The following PALS1 variants were observed in gnomAD, a reference collection of about 807,000 sequenced individuals.
The protein encoded by PALS1 is protein PALS1.
In PALS1, 31 loss-of-function variants were observed where a neutral mutation model predicts 78.9. The observed-to-expected ratio is 0.39, with a 90% confidence interval of 0.30 to 0.53. PALS1 has a LOEUF of 0.53. PALS1 is among the 20% of genes least tolerant of loss of function. The pLI, the probability that PALS1 is intolerant of heterozygous loss-of-function variation, is 0.67. For synonymous variants in PALS1, 276 were observed against 270.9 expected, an observed-to-expected ratio of 1.02 and a Z score of -0.18; for missense variants, 704 against 826.5, an observed-to-expected ratio of 0.85 and a Z score of 1.82.
chr14:67,295,517 T>A, intron 4 of PALS1, among the ~76,000 whole-genome samples: 1 of 147,874 alleles, frequency 6.8e-6, no homozygotes, highest in South Asian at 2.1e-4. Context: ...TGGAAATTAA[T>A]AAGAAAAAAA....
intron 8 of PALS1, among the ~76,000 whole-genome samples, chr14:67,308,234 TAA>T (rs11442716): frequency 2.9e-5 from 4 of 138,874 alleles, no homozygotes; most frequent in Non-Finnish European, 3.2e-5. Flanking sequence ...CTTAACAGTT[TAA>T]AAAAAAAAAA....
At chr14:67,277,907 G>A (rs573784173) in intron 2 of PALS1, among the ~76,000 whole-genome samples, 1 of 152,172 alleles carries the variant, frequency 6.6e-6, no homozygotes, top group African/African-American at 2.4e-5. Context: ...TAAAAGTTCA[G>A]TTTTCTTATC....
intron 14 of PALS1, among the ~76,000 whole-genome samples, chr14:67,324,635 A>G (rs996177529): frequency 2.6e-5 from 4 of 151,818 alleles, no homozygotes; most frequent in African/African-American, 9.7e-5. Flanking sequence ...CCCAGGCTGG[A>G]GTGTAGTGGC....
intron 1 of PALS1, among the ~76,000 whole-genome samples, chr14:67,243,940 T>C (rs1000501436): frequency 2.0e-5 from 3 of 152,224 alleles, no homozygotes; most frequent in African/African-American, 7.2e-5. Flanking sequence ...GTCTGACTGC[T>C]AGTTAGGGGC....
At chr14:67,270,181 A>G (rs1595572706) in intron 2 of PALS1, 1 of 152,164 alleles carries the variant, frequency 6.6e-6, no homozygotes, top group Non-Finnish European at 1.5e-5. Context: ...CAGTCCCTCC[A>G]GTCTCAATCA....
intron 4 of PALS1, among the ~76,000 whole-genome samples, chr14:67,297,512 T>C (rs2084875583): frequency 6.6e-6 from 1 of 152,186 alleles, no homozygotes; most frequent in Admixed American, 6.5e-5. Flanking sequence ...CTATACATGA[T>C]TGCGAATCTA....
chr14:67,260,541 T>G (rs2084219089), intron 1 of PALS1, among the ~76,000 whole-genome samples: 1 of 152,192 alleles, frequency 6.6e-6, no homozygotes, highest in Non-Finnish European at 1.5e-5. Context: ...AGGCGTAGAT[T>G]AAGTACTCTA....
chr14:67,288,796 C>T (rs1215098136), intron 3 of PALS1, among the ~76,000 whole-genome samples: 1 of 151,830 alleles, frequency 6.6e-6, no homozygotes, highest in Non-Finnish European at 1.5e-5. Context: ...TCTGGCTATC[C>T]CTCAGCTCTT....
chr14:67,306,217 G>A (rs28472807), intron 8 of PALS1, among the ~76,000 whole-genome samples: 23,421 of 151,648 alleles, frequency 0.15, 3,389 homozygotes, highest in East Asian at 0.42. Context: ...TGATCTGCCC[G>A]CCTTGGCCTC....
chr14:67,312,833 G>T, intron 9 of PALS1, 123 bp downstream of exon 9: 1 of 795,088 alleles, frequency 1.3e-6, no homozygotes, highest in Non-Finnish European at 1.8e-6. Flanking sequence ...ACTTTTTCGT[G>T]TAGTTGGGTT....
At chr14:67,312,377 A>G (rs2085103343) in intron 8 of PALS1, 150 bp from the exon 9 acceptor site, 1 of 500,972 alleles carries the variant, frequency 2.0e-6, no homozygotes, top group Non-Finnish European at 3.2e-6. Context: ...TAGAAATTTG[A>G]GATTATCCTG....
chr14:67,272,072 A>G (rs2084416749), intron 2 of PALS1: 2 of 152,108 alleles, frequency 1.3e-5, no homozygotes, highest in Non-Finnish European at 2.9e-5. Context: ...AAAAAAAAAA[A>G]AAGTTCAAGG....
intron 9 of PALS1, 31 bp from the exon 10 acceptor site, chr14:67,316,801 T>C: frequency 6.3e-7 from 1 of 1,577,366 alleles, no homozygotes; most frequent in Non-Finnish European, 8.6e-7. Flanking sequence ...ATCTTAAATA[T>C]TTTACCCTTC....
Position 67,273,742 on chromosome 14 carries a change from G to C in PALS1, c.-154+3959G>C, listed in dbSNP as rs572438344. 5.3e-5 allele frequency among the ~76,000 whole-genome samples: 8 copies of C among 152,322 alleles called. No homozygotes were observed. In the South Asian group the frequency reaches 1.4e-3, roughly 28 times the overall value. ...GAACTAGTTTACACTCCCAGCAACA[G>C]TGTAAAAGTGTTCCTGTTTCTCCAC... On this transcript the variant is annotated intron_variant, in intron 2 of 14. Transcript: ENST00000261681.
At chr14:67,304,336 T>C (rs2084971284) in intron 8 of PALS1, among the ~76,000 whole-genome samples, 2 of 152,322 alleles carry the variant, frequency 1.3e-5, no homozygotes, top group African/African-American at 4.8e-5. Flanking sequence ...CACATAAGAA[T>C]GTCTACATGA....
chr14:67,301,276 C>T, intron 4 of PALS1, 113 bp from the exon 5 acceptor site: 1 of 509,370 alleles, frequency 2.0e-6, no homozygotes, highest in Non-Finnish European at 3.4e-6. Context: ...GATTTTATTT[C>T]TTACAAGTAT....
chr14:67,316,980 G>A lies in PALS1; in HGVS notation c.1297+77G>A. ...GAGCCATGTGTGAATCTGCATATTA[G>A]AACCGTGAAGAAGTACTCAGGGAAA... On this transcript the variant is annotated intron_variant, in intron 10 of 14. Transcript: ENST00000261681. The A allele has an allele frequency of 2.7e-6, 3 of 1,113,552 alleles. No homozygotes were observed. In the South Asian group the frequency reaches 4.3e-5, roughly 16 times the overall value. 69.0% of individuals were successfully genotyped at this position (1,113,552 alleles called of 1,614,324 possible). A position where few individuals can be genotyped will look rare whatever the true frequency, so the allele number is the denominator to read the frequency against.
At chr14:67,281,726 G>T (rs1458678200) in intron 3 of PALS1, among the ~76,000 whole-genome samples, 1 of 152,032 alleles carries the variant, frequency 6.6e-6, no homozygotes, top group African/African-American at 2.4e-5. Context: ...GCTTCAGCCG[G>T]ATTCACTTAG....
At chr14:67,285,611 A>G (rs2084673656) in intron 3 of PALS1, among the ~76,000 whole-genome samples, 1 of 152,148 alleles carries the variant, frequency 6.6e-6, no homozygotes, top group Non-Finnish European at 1.5e-5. Flanking sequence ...CTCCTGATCC[A>G]GCCGCCTCGG....
Sources: gnomAD v4.1 joint callset for allele counts (sites outside exome capture counted in the v4.1 genomes callset) on GRCh38, gnomAD v4.1.1 for gene constraint, MANE v1.5 for transcripts, NCBI Gene and HGNC (gene_info 2026-07-23, HGNC 2026-07-21) for gene names.